Variants in XYLB observed in about 807,000 individuals in gnomAD.
XYLB encodes xylulose kinase.
XYLB carries 62 observed loss-of-function variants against 78.7 expected under a neutral mutation model. The ratio of observed to expected loss-of-function variants is 0.79; its 90% CI spans 0.64 to 0.97. The LOEUF is 0.97. XYLB is among the 50% of genes least tolerant of loss of function. XYLB has a pLI of 0.00. For missense variants in XYLB, 687 were observed against 676.8 expected (o/e 1.02, Z -0.17); for synonymous variants, 245 against 247.4 (o/e 0.99, Z 0.09).
At chr3:38,377,120 T>C (rs563366326) in intron 14 of XYLB, 129 bp downstream of exon 14, 3 of 824,980 alleles carry the variant, frequency 3.6e-6, no homozygotes, top group South Asian at 1.7e-5. Flanking sequence ...TCATACACAC[T>C]TGTGGTGTGC....
chr3:38,392,541 C>G (rs1166364836), intron 15 of XYLB, among the ~76,000 whole-genome samples: 1 of 152,186 alleles, frequency 6.6e-6, no homozygotes, highest in African/African-American at 2.4e-5. Flanking sequence ...AGGTGATACA[C>G]CCGTCTCGGT....
At chr3:38,366,908 A>C in intron 7 of XYLB, 35 bp downstream of exon 7, 1 of 1,428,552 alleles carries the variant, frequency 7.0e-7, no homozygotes, top group Non-Finnish European at 9.9e-7. Context: ...TGAAAGTCAC[A>C]GTTGAATTCT....
rs757578810 is a variant in XYLB, at chr3:38,365,757, G to T, written c.507+21G>T. 2.5e-6 allele frequency: 4 copies of T among 1,601,442 alleles called. No individual in the cohort carries two copies. The Admixed American group carries it at 6.8e-5, about 27-fold the overall frequency. On this transcript the variant is annotated intron_variant, in intron 6 of 18. Coordinates refer to ENST00000207870, the MANE Select transcript of XYLB (RefSeq NM_005108.4). The stretch of plus-strand genomic sequence containing the variant: ...ATGAGGTAGGCTGAGGATGCGGGGG[G>T]TGCAGGGGGTGGTCTGGTTGCAAGC...
At chr3:38,380,262 A>G (rs1404208134) in intron 15 of XYLB, among the ~76,000 whole-genome samples, 1 of 152,110 alleles carries the variant, frequency 6.6e-6, no homozygotes, top group Non-Finnish European at 1.5e-5. Context: ...TGGCATGGAG[A>G]GGGCAGACCC....
chr3:38,385,236 G>A (rs1422222752), intron 15 of XYLB, among the ~76,000 whole-genome samples: 1 of 152,062 alleles, frequency 6.6e-6, no homozygotes, highest in African/African-American at 2.4e-5. Context: ...TTGACCTCAC[G>A]TGATCCACTC....
intron 15 of XYLB, among the ~76,000 whole-genome samples, chr3:38,393,073 C>A (rs1707734180): frequency 6.6e-6 from 1 of 152,170 alleles, no homozygotes; most frequent in Non-Finnish European, 1.5e-5. Context: ...CTGTTTTACC[C>A]CATTACTTGT....
At chr3:38,431,273 C>A in the XYLB span, among the ~76,000 whole-genome samples, 2 of 152,060 alleles carry the variant, frequency 1.3e-5, no homozygotes, top group Non-Finnish European at 2.9e-5. Flanking sequence ...CCTTCACGTC[C>A]CTTGGAAGTT....
At position 38,372,731 on chromosome 3, in the gene XYLB, A is replaced by G. The variant is rs1706637892; in HGVS notation, c.842A>G (p.Asn281Ser). 6.2e-7 allele frequency: 1 copy of G among 1,613,610 alleles called. No homozygotes were observed. The highest frequency in any genetic ancestry group is 1.1e-5 in the South Asian group (1 of 91,026). The change falls in exon 10 of 19, where the codon AAC (asparagine) becomes AGC (serine). Residue 281 changes from asparagine to serine, a missense_variant. Transcript: ENST00000207870. The stretch of plus-strand genomic sequence containing the variant: ...AAAGTGGTGGCCTTCACTGGGGACA[A>G]CCCAGGTGAGTATCTCGGGGAGTTT... The part of the protein sequence containing the change: ...GCKVVAFTGD[N>S]PASLAGMRLE...
At chr3:38,349,067 C>G (rs1431908743) in intron 2 of XYLB, among the ~76,000 whole-genome samples, 1 of 152,148 alleles carries the variant, frequency 6.6e-6, no homozygotes, top group East Asian at 1.9e-4. Context: ...AGGGGAAGTC[C>G]CAGAGCGTCT....
chr3:38,369,612 G>C (rs1706440263), intron 8 of XYLB, among the ~76,000 whole-genome samples: 1 of 152,178 alleles, frequency 6.6e-6, no homozygotes, highest in Non-Finnish European at 1.5e-5. Context: ...GGATGTTTTA[G>C]GAAAGAGCTA....
intron 3 of XYLB, 90 bp from the exon 4 acceptor site, chr3:38,362,847 A>G: frequency 9.0e-7 from 1 of 1,111,928 alleles, no homozygotes; most frequent in Non-Finnish European, 1.2e-6. Flanking sequence ...ACTCTGCTGT[A>G]ATGGCAGGCA....
At position 38,348,584 on chromosome 3, in the gene XYLB, T is replaced by A; in HGVS notation, c.92T>A (p.Val31Asp). The change falls in exon 2 of 19, where the codon GTC becomes GAC. Residue 31 changes from valine to aspartate, a missense_variant. Physicochemically the swap from Val to Asp is radical, Grantham distance 152. Transcript: ENST00000207870. Reference sequence around the variant, plus strand: ...GTTGCTGTTGATGCAGAGTTGAATGTCTTCTATGAGGAAAGTGTGCATTTT... The same window carrying A: ...GTTGCTGTTGATGCAGAGTTGAATGACTTCTATGAGGAAAGTGTGCATTTT... Reference protein sequence around the residue: ...KVVAVDAELNVFYEESVHFDR... With the variant: ...KVVAVDAELNDFYEESVHFDR... 6.2e-7 allele frequency: 1 copy of A among 1,614,214 alleles called. No homozygotes were observed. Among genetic ancestry groups the A allele is most frequent in the African/African-American group, 1.3e-5 (1 of 75,052 alleles).
At chr3:38,367,990 T>C (rs1706352053) in intron 7 of XYLB, among the ~76,000 whole-genome samples, 195 bp from the exon 8 acceptor site, 1 of 152,148 alleles carries the variant, frequency 6.6e-6, no homozygotes, top group African/African-American at 2.4e-5. Flanking sequence ...GAATGAATGC[T>C]CTCCCGAGGA....
downstream of XYLB, among the ~76,000 whole-genome samples, chr3:38,417,378 G>A (rs1454430794): frequency 6.6e-6 from 1 of 152,164 alleles, no homozygotes; most frequent in Non-Finnish European, 1.5e-5. Context: ...ACCTGGCATA[G>A]CAGTGATTAA....
chr3:38,404,437 C>G (rs1038333596), intron 18 of XYLB, among the ~76,000 whole-genome samples: 2 of 152,238 alleles, frequency 1.3e-5, no homozygotes, highest in African/African-American at 4.8e-5. Flanking sequence ...CTCTGACACC[C>G]TGTGTAACTG....
intron 9 of XYLB, 92 bp downstream of exon 9, chr3:38,370,266 ACTCTG>A (rs148636661): frequency 7.4e-5 from 65 of 873,618 alleles, no homozygotes; most frequent in Middle Eastern, 2.8e-4. Flanking sequence ...ACACACACAC[ACTCTG>A]CACACACCCT....
At chr3:38,368,862 A>G (rs1706397143) in intron 8 of XYLB, among the ~76,000 whole-genome samples, 1 of 151,630 alleles carries the variant, frequency 6.6e-6, no homozygotes, top group African/African-American at 2.4e-5. Flanking sequence ...GGGGACGATC[A>G]TGGAGCCTGG....
At chr3:38,346,958 G>T (rs1705094763) in intron 1 of XYLB, 33 bp downstream of exon 1, 3 of 1,426,806 alleles carry the variant, frequency 2.1e-6, no homozygotes, top group Non-Finnish European at 1.8e-6. Flanking sequence ...CCACGGGGCC[G>T]CCTCCTCCGC....
chr3:38,434,994 A>T, the XYLB span, among the ~76,000 whole-genome samples: 1 of 152,130 alleles, frequency 6.6e-6, no homozygotes, highest in African/African-American at 2.4e-5. Flanking sequence ...AAAATTAGCT[A>T]CGTGTGGTGG....
Sources: gnomAD v4.1 joint callset for allele counts (sites outside exome capture counted in the v4.1 genomes callset) on GRCh38, gnomAD v4.1.1 for gene constraint, MANE v1.5 for transcripts, NCBI Gene and HGNC (gene_info 2026-07-23, HGNC 2026-07-21) for gene names.